Variants in TEP1 observed in about 807,000 individuals in gnomAD.
TEP1 encodes telomerase associated protein 1.
A neutral mutation model predicts 306.3 loss-of-function variants in TEP1; 241 were observed. That is an observed-to-expected ratio of 0.79 (90% CI 0.71 to 0.88). The LOEUF (loss-of-function observed/expected upper bound fraction) is 0.88. Ranked by LOEUF, TEP1 falls within the 40% of genes least tolerant of loss-of-function variation. TEP1 has a pLI of 0.00. For missense variants in TEP1, 3,051 were observed against 3,276.1 expected, an observed-to-expected ratio of 0.93 and a Z score of 1.68; for synonymous variants, 1,289 against 1,305.5, an observed-to-expected ratio of 0.99 and a Z score of 0.27.
At position 20,373,382 on chromosome 14, in the gene TEP1, G is replaced by A. The variant is rs1884975251; in HGVS notation, c.6702C>T (p.Leu2234=). The A allele has an allele frequency of 6.2e-7, 1 of 1,614,198 alleles. No individual in the cohort carries two copies. Among genetic ancestry groups the A allele is most frequent in the South Asian group, 1.1e-5 (1 of 91,082 alleles). Residue 2234 remains leucine, a synonymous_variant, in exon 47 of 55, where the codon CTC becomes CTT. Transcript: ENST00000262715. ...CACGGACTGGGCCGCTGTGTCCCAG[G>A]AGGGTGTGGGTTTGGCACACCTAGG... The part of the protein sequence containing the change: ...HPLLVCQTHT[L]LGHSGPVRAA...
intron 2 of TEP1, among the ~76,000 whole-genome samples, chr14:20,407,236 A>G (rs903129440): frequency 6.6e-6 from 1 of 152,240 alleles, no homozygotes; most frequent in African/African-American, 2.4e-5. Context: ...TTGGAAAATT[A>G]ATTAGCAGAT....
At chr14:20,392,487 A>AT (rs35504244) in intron 12 of TEP1, among the ~76,000 whole-genome samples, 73,035 of 151,984 alleles carry the variant, frequency 0.48, 17,891 homozygotes, top group African/African-American at 0.58. Context: ...CCCAGTGAAC[A>AT]AAAACAGAAA....
At chr14:20,379,813 C>T in intron 35 of TEP1, 117 bp downstream of exon 35, 1 of 1,357,336 alleles carries the variant, frequency 7.4e-7, no homozygotes, top group Admixed American at 2.8e-5. Context: ...GATGTGCAGG[C>T]AGTAAAGTTG....
rs958114513 is a variant in TEP1 at position 20,384,380 on chromosome 14, C to T, written c.3339+11G>A. 1 of 1,613,294 alleles carries T rather than the reference C, an allele frequency of 6.2e-7. No homozygotes were observed. The highest frequency in any genetic ancestry group is 1.3e-5 in the African/African-American group (1 of 74,906). On this transcript the variant is annotated intron_variant, in intron 23 of 54. Transcript: ENST00000262715. ...CTCTCCATGCCTCTGGTCACCAGTGCTTCTGCTGACCTGCAGGTAGAGCTT... is the reference window on the plus strand; with the variant it reads ...CTCTCCATGCCTCTGGTCACCAGTGTTTCTGCTGACCTGCAGGTAGAGCTT...
At chr14:20,368,923 G>C in intron 53 of TEP1, 21 bp from the exon 54 acceptor site, 1 of 1,592,038 alleles carries the variant, frequency 6.3e-7, no homozygotes, top group Non-Finnish European at 8.6e-7. Context: ...AAAGGGGAGA[G>C]CAGAATGGTG....
At chr14:20,384,902 TATACTCTGA>T in intron 21 of TEP1, 74 bp downstream of exon 21, 1 of 1,596,760 alleles carries the variant, frequency 6.3e-7, no homozygotes, top group South Asian at 1.1e-5. Flanking sequence ...ACTCCCCTTC[TATACTCTGA>T]ATACTGAGGA....
chr14:20,375,489 T>C (rs1885121407), intron 43 of TEP1, among the ~76,000 whole-genome samples: 1 of 152,164 alleles, frequency 6.6e-6, no homozygotes, highest in African/African-American at 2.4e-5. Flanking sequence ...CTGGCTCAGC[T>C]TCATCATTGA....
intron 12 of TEP1, among the ~76,000 whole-genome samples, chr14:20,394,751 C>T (rs933683362): frequency 6.6e-6 from 1 of 152,184 alleles, no homozygotes; most frequent in African/African-American, 2.4e-5. Flanking sequence ...GCCTCGGCCT[C>T]CCAAAGTTCT....
chr14:20,388,060 G>A lies in TEP1; in HGVS notation c.2529C>T (p.Phe843=). 6.2e-7 allele frequency: 1 copy of A among 1,614,042 alleles called. No individual in the cohort carries two copies. The highest frequency in any genetic ancestry group is 1.1e-5 in the South Asian group (1 of 91,032). The change falls in exon 18 of 55, where the codon TTC becomes TTT. Residue 843 remains phenylalanine (F), a synonymous_variant. Coordinates refer to ENST00000262715, the MANE Select transcript of TEP1 (RefSeq NM_007110.5). The part of the protein sequence containing the change: ...LSGCTDAILK[F]IAEHGASHLL... The stretch of plus-strand genomic sequence containing the variant: ...GATGGGAGGCCCCATGCTCTGCAAT[G>A]AACCTGACATAAATAACAAGATAAA...
chr14:20,373,843 A>C, intron 44 of TEP1, 33 bp from the exon 45 acceptor site: 1 of 1,604,430 alleles, frequency 6.2e-7, no homozygotes, highest in East Asian at 2.2e-5. Context: ...GAGCAGAGTC[A>C]TATTGAGCAG....
At chr14:20,370,256 A>T (rs921968887) in intron 51 of TEP1, among the ~76,000 whole-genome samples, 1 of 152,220 alleles carries the variant, frequency 6.6e-6, no homozygotes, top group Admixed American at 6.5e-5. Flanking sequence ...GTATTTTTAC[A>T]TGTGCATCCA....
chr14:20,375,912 G>A (rs751909774), intron 42 of TEP1, 44 bp from the exon 43 acceptor site: 3 of 1,543,956 alleles, frequency 1.9e-6, no homozygotes, highest in South Asian at 1.1e-5. Flanking sequence ...ACCAAAGGAA[G>A]GATGGGAACC....
Position 20,381,618 on chromosome 14 carries a change from G to A in TEP1, c.4493C>T (p.Thr1498Ile). The change falls in exon 31 of 55, where the codon ACA (threonine) becomes ATA (isoleucine). Residue 1498 changes from threonine (T) to isoleucine (I), a missense_variant. By Grantham distance (89) the Thr-to-Ile change is moderately conservative. Transcript: ENST00000262715. The surrounding 1 kb of genome is among the most constrained non-coding windows in gnomAD (Gnocchi z 4.0). ...RLCLPDGPLR[T>I]AAKRCYGKRP... ...CTTCCCATAGCAACGTTTAGCTGCT[G>A]TTCTCAGGGGCCCATCAGGGAGGCA... 1 of 1,613,956 alleles carries A rather than the reference G, an allele frequency of 6.2e-7. No individual in the cohort carries two copies. The highest frequency in any genetic ancestry group is 2.2e-5 in the East Asian group (1 of 44,866).
rs900042511 is a variant in TEP1, at chr14:20,386,197, T to C, written c.2862-2A>G. 1.2e-5 allele frequency: 19 copies of C among 1,613,884 alleles called. No individual in the cohort carries two copies. The highest frequency in any genetic ancestry group is 5.0e-5 in the Admixed American group (3 of 59,962). ...TCCCCAAGGCACACTTCCAGTTGTCTGTAGGCATGATGATAGGGACGTGTG... is the reference window on the plus strand; with the variant it reads ...TCCCCAAGGCACACTTCCAGTTGTCCGTAGGCATGATGATAGGGACGTGTG... On this transcript the variant is annotated splice_acceptor_variant, in intron 19 of 54. Coordinates refer to ENST00000262715, the MANE Select transcript of TEP1 (RefSeq NM_007110.5). LOFTEE classifies it high-confidence loss of function.
At position 20,368,471 on chromosome 14, in the gene TEP1, A is replaced by C; in HGVS notation, c.7850T>G (p.Val2617Gly). 6.2e-7 allele frequency: 1 copy of C among 1,614,190 alleles called. No homozygotes were observed. The highest frequency in any genetic ancestry group is 8.5e-7 in the Non-Finnish European group (1 of 1,180,024). ...ATTCAGAAAGTACACATTGCCCTGC[A>C]CGTCTCCCACGGCAAGCTGCAGGGT... ...NSTLQLAVGD[V>G]QGNVYFLNWE Residue 2617 changes from valine to glycine, a missense_variant, in exon 55 of 55, where the codon GTG (valine) becomes GGG (glycine). Val to Gly is a moderately radical substitution (Grantham distance 109, BLOSUM62 -3). Around this residue, in one of 3 missense-constraint regions of TEP1, gnomAD observed 1,540 missense variants for 1,705.9 expected, o/e 0.90. Transcript: ENST00000262715.
Position 20,384,597 on chromosome 14 carries a change from C to T in TEP1, c.3221+3G>A, listed in dbSNP as rs1876952225. On this transcript the variant is annotated splice_donor_region_variant and intron_variant, in intron 22 of 54. Coordinates refer to ENST00000262715, the MANE Select transcript of TEP1 (RefSeq NM_007110.5). ...CAGGTGCTCCCTACCTCCCTCAGCT[C>T]ACCTGCGGCAGGTGATCCCTTTCTG... 1 of 1,613,984 alleles carries T rather than the reference C, an allele frequency of 6.2e-7. No individual in the cohort carries two copies. Among genetic ancestry groups the T allele is most frequent in the Non-Finnish European group, 8.5e-7 (1 of 1,179,906 alleles).
chr14:20,380,263 T>C lies in TEP1; in HGVS notation c.4975A>G (p.Lys1659Glu). Reference sequence around the variant, plus strand: ...TGCTGATTTTTCATGGTCCGGGGTTTATTAAGCCATCGTAGTGTGTGTTGG... The same window carrying C: ...TGCTGATTTTTCATGGTCCGGGGTTCATTAAGCCATCGTAGTGTGTGTTGG... Reference protein sequence around the residue: ...HLQHTLRWLNKPRTMKNQQSS... With the variant: ...HLQHTLRWLNEPRTMKNQQSS... Residue 1659 changes from lysine (K) to glutamate (E), a missense_variant, in exon 34 of 55, where the codon AAA (lysine) becomes GAA (glutamate). Physicochemically the swap from Lys to Glu is moderately conservative, Grantham distance 56. This residue lies in a region of TEP1 where 1,540 missense variants were observed against 1,705.9 expected (regional missense o/e 0.90). Transcript: ENST00000262715. 1.2e-6 allele frequency: 2 copies of C among 1,614,172 alleles called. No homozygotes were observed. The highest frequency in any genetic ancestry group is 1.7e-6 in the Non-Finnish European group (2 of 1,180,044).
intron 9 of TEP1, among the ~76,000 whole-genome samples, chr14:20,398,966 G>C (rs540530248): frequency 6.6e-6 from 1 of 151,558 alleles, no homozygotes; most frequent in East Asian, 1.9e-4. Context: ...ATCTTGGCTC[G>C]CTGCAACCTC....
chr14:20,410,860 A>G (rs1280755841), intron 1 of TEP1, among the ~76,000 whole-genome samples: 1 of 121,904 alleles, frequency 8.2e-6, no homozygotes. Flanking sequence ...GTCTCACTCT[A>G]TTGCTGGCTG....
Sources: allele counts gnomAD v4.1 joint callset (sites outside exome capture counted in the v4.1 genomes callset), GRCh38; gene constraint gnomAD v4.1.1; regional missense constraint gnomAD v4.1.1; non-coding constraint Gnocchi (gnomAD v3.1); transcripts MANE v1.5; gene names NCBI Gene and HGNC (gene_info 2026-07-23, HGNC 2026-07-21).